The following AHCTF1 variants were observed in gnomAD, a reference collection of about 807,000 sequenced individuals.
AHCTF1 encodes the protein AT-hook containing transcription factor 1.
AHCTF1 carries 24 observed loss-of-function variants against 248.4 expected under a neutral mutation model. That is an observed-to-expected ratio of 0.10 (90% CI 0.07 to 0.14). The LOEUF is 0.14. AHCTF1 is among the 10% of genes least tolerant of loss of function. The probability of loss-of-function intolerance (pLI) is 1.00; values close to 1 mark genes in which losing one functional copy is unlikely to be tolerated. For missense variants in AHCTF1, 2,206 were observed against 2,636.2 expected, an observed-to-expected ratio of 0.84 and a Z score of 3.57; for synonymous variants, 786 against 929.8, an observed-to-expected ratio of 0.85 and a Z score of 2.81.
intron 1 of AHCTF1, chr1:246,931,237 A>G (rs1043113405): frequency 1.9e-6 from 3 of 1,549,854 alleles, no homozygotes; most frequent in Non-Finnish European, 2.6e-6. Context: ...CGCGTGGGAG[A>G]ACAGTGGGAA....
chr1:246,869,792 G>C (rs1558233451), intron 24 of AHCTF1, among the ~76,000 whole-genome samples: 1 of 152,176 alleles, frequency 6.6e-6, no homozygotes, highest in Non-Finnish European at 1.5e-5. Flanking sequence ...GATGTACAGG[G>C]AGACGAATGC....
chr1:246,868,902 T>G (rs1460926578), intron 24 of AHCTF1, among the ~76,000 whole-genome samples: 9 of 148,088 alleles, frequency 6.1e-5, no homozygotes, highest in Non-Finnish European at 7.4e-5. Flanking sequence ...TGGAGTGCAG[T>G]GGTGTGATCT....
At chr1:246,855,905 C>A (rs1215280308) in intron 30 of AHCTF1, 78 bp from the exon 31 acceptor site, 4 of 991,798 alleles carry the variant, frequency 4.0e-6, no homozygotes, top group Non-Finnish European at 6.0e-6. Flanking sequence ...TACCACCTAA[C>A]CTGTCATTTT....
chr1:246,892,650 G>C (rs1289530960), intron 14 of AHCTF1, among the ~76,000 whole-genome samples: 2 of 151,606 alleles, frequency 1.3e-5, no homozygotes, highest in South Asian at 2.1e-4. Context: ...TACTTTTTTT[G>C]AGATAGGGTC....
intron 1 of AHCTF1, among the ~76,000 whole-genome samples, chr1:246,926,904 G>A (rs2047192): frequency 0.26 from 38,976 of 151,934 alleles, 5,124 homozygotes; most frequent in Admixed American, 0.31. Flanking sequence ...CCGGGCCGCG[G>A]TGGCACACGC....
At chr1:246,907,528 T>C (rs1443815491) in intron 5 of AHCTF1, 23 bp downstream of exon 5, 7 of 1,601,330 alleles carry the variant, frequency 4.4e-6, no homozygotes, top group Non-Finnish European at 5.1e-6. Flanking sequence ...TATAATCAAA[T>C]AAGGGAAAAA....
intron 1 of AHCTF1, among the ~76,000 whole-genome samples, chr1:246,922,116 T>G (rs957223699): frequency 6.6e-6 from 1 of 152,140 alleles, no homozygotes; most frequent in Non-Finnish European, 1.5e-5. Flanking sequence ...TCCCAGCACT[T>G]TGGAAGGCCT....
At chr1:246,916,799 A>G (rs1666182937) in intron 2 of AHCTF1, among the ~76,000 whole-genome samples, 1 of 152,344 alleles carries the variant, frequency 6.6e-6, no homozygotes, top group South Asian at 2.1e-4. Context: ...GTCAAAAAGT[A>G]GCACAGGCAG....
chr1:246,895,984 G>A (rs1173301055), intron 12 of AHCTF1, 59 bp from the exon 13 acceptor site: 2 of 1,414,198 alleles, frequency 1.4e-6, no homozygotes, highest in Non-Finnish European at 2.0e-6. Context: ...GAGATCATAG[G>A]CAAGTTCTGG....
At chr1:246,906,689 GA>G (rs1168730323) in intron 5 of AHCTF1, among the ~76,000 whole-genome samples, 2 of 152,032 alleles carry the variant, frequency 1.3e-5, no homozygotes, top group Non-Finnish European at 2.9e-5. Flanking sequence ...TATGCCTCAG[GA>G]AAAATGGAGA....
In AHCTF1 at chr1:246,840,225, C is replaced by A. The variant is rs995691639; in HGVS notation, c.*581G>T. On this transcript the variant is annotated 3_prime_UTR_variant, in exon 36 of 36. Coordinates refer to ENST00000648844, the MANE Select transcript of AHCTF1 (RefSeq NM_001323342.2). Reference sequence around the variant, plus strand: ...ATGCCAACATTATAGTTAACCAATACTTGGATTATTCATTTGAGGTAGATT... The same window carrying A: ...ATGCCAACATTATAGTTAACCAATAATTGGATTATTCATTTGAGGTAGATT... The A allele has an allele frequency of 2.0e-5, 3 of 152,556 alleles. No homozygotes were observed. Among genetic ancestry groups the A allele is most frequent in the African/African-American group, 7.2e-5 (3 of 41,416 alleles). The allele number at this position is 152,556 out of a possible 1,614,324, so 9.5% of individuals were successfully genotyped here.
chr1:246,894,784 T>C, intron 13 of AHCTF1, 36 bp from the exon 14 acceptor site: 1 of 1,554,984 alleles, frequency 6.4e-7, no homozygotes, highest in Non-Finnish European at 8.9e-7. Context: ...AAATAAAGAT[T>C]ATTAATTACA....
In AHCTF1 at chr1:246,898,329, G is replaced by A. The variant is rs1292171297; in HGVS notation, c.1502C>T (p.Thr501Ile). Residue 501 changes from threonine (T) to isoleucine (I), a missense_variant, in exon 12 of 36, where the codon ACT becomes ATT. Thr to Ile is a moderately conservative substitution (Grantham distance 89, BLOSUM62 -1). Around this residue, in one of 6 missense-constraint regions of AHCTF1, gnomAD observed 650 missense variants for 870.8 expected, o/e 0.75. Coordinates refer to ENST00000648844, the MANE Select transcript of AHCTF1 (RefSeq NM_001323342.2). ...TGATGGACCTGATTTCTTTAAAAAA[G>A]TCAAAGTCTGTAACAGATAAATTAG... Reference protein sequence around the residue: ...TCTGFQKETLTFLKKSGPSLN... With the variant: ...TCTGFQKETLIFLKKSGPSLN... 1.2e-6 allele frequency: 2 copies of A among 1,612,816 alleles called. No individual in the cohort carries two copies. The highest frequency in any genetic ancestry group is 1.7e-6 in the Non-Finnish European group (2 of 1,179,424).
intron 7 of AHCTF1, 112 bp downstream of exon 7, chr1:246,903,837 C>CAA (rs34620854): frequency 1.5e-3 from 914 of 624,080 alleles, no homozygotes; most frequent in South Asian, 1.8e-3. Context: ...GACTCTGTCT[C>CAA]AAAAAAAAAA....
At chr1:246,909,248 A>G (rs898147039) in intron 4 of AHCTF1, among the ~76,000 whole-genome samples, 7 of 65,946 alleles carry the variant, frequency 1.1e-4, no homozygotes, top group East Asian at 7.7e-4. Context: ...CGGCTCTACT[A>G]AAAAAAAAAA....
chr1:246,922,103 T>C (rs549635392), intron 1 of AHCTF1, among the ~76,000 whole-genome samples: 17 of 152,318 alleles, frequency 1.1e-4, no homozygotes, highest in Admixed American at 2.0e-4. Flanking sequence ...CTCACGCCTG[T>C]AATCCCAGCA....
intron 31 of AHCTF1, among the ~76,000 whole-genome samples, chr1:246,855,176 T>C (rs1377818132): frequency 3.3e-5 from 5 of 152,332 alleles, no homozygotes; most frequent in East Asian, 1.9e-4. Context: ...AGACACAAGA[T>C]GATCAGACCA....
chr1:246,877,204 C>T lies in AHCTF1; in HGVS notation c.2759G>A (p.Gly920Asp). 1.2e-6 allele frequency: 2 copies of T among 1,613,408 alleles called. No homozygotes were observed. The highest frequency in any genetic ancestry group is 1.7e-6 in the Non-Finnish European group (2 of 1,179,864). The change falls in exon 22 of 36, where the codon GGC becomes GAC. Residue 920 changes from glycine to aspartate, a missense_variant. Transcript: ENST00000648844. Reference sequence around the variant, plus strand: ...TAACTTCAGTAAATCTTCCATCAAGCCCATTTCCTGACAGACTTCATACAT... The same window carrying T: ...TAACTTCAGTAAATCTTCCATCAAGTCCATTTCCTGACAGACTTCATACAT... ...KHMYEVCQEM[G>D]LMEDLLKLPF...
intron 21 of AHCTF1, among the ~76,000 whole-genome samples, chr1:246,880,226 A>G (rs911294809): frequency 3.4e-5 from 5 of 145,316 alleles, no homozygotes; most frequent in Non-Finnish European, 7.4e-5. Context: ...GTTATTTGTT[A>G]TATATATATA....
Sources: allele counts gnomAD v4.1 joint callset (sites outside exome capture counted in the v4.1 genomes callset), GRCh38; gene constraint gnomAD v4.1.1; regional missense constraint gnomAD v4.1.1; transcripts MANE v1.5; gene names NCBI Gene and HGNC (gene_info 2026-07-23, HGNC 2026-07-21).